Variants in AFF1 observed in about 807,000 individuals in gnomAD.
The protein encoded by AFF1 is AF4/FMR2 family member 1.
In AFF1, 48 loss-of-function variants were observed where a neutral mutation model predicts 121.7. The observed-to-expected ratio is 0.39, with a 90% CI of 0.31 to 0.50. The LOEUF is 0.50. Among genes scored for constraint, AFF1 ranks in the 20% least tolerant of loss-of-function variants. AFF1 has a pLI of 0.76. For missense variants in AFF1, 1,523 were observed against 1,511.7 expected, an observed-to-expected ratio of 1.01 and a Z score of -0.12; for synonymous variants, 613 against 563.0, an observed-to-expected ratio of 1.09 and a Z score of -1.26.
intron 2 of AFF1, among the ~76,000 whole-genome samples, chr4:86,997,192 A>G (rs910116985): frequency 4.0e-5 from 6 of 151,890 alleles, no homozygotes; most frequent in African/African-American, 1.4e-4. Flanking sequence ...GATTACAGGC[A>G]TGAGCCACCA....
chr4:87,127,165 T>C (rs111911945), intron 15 of AFF1, 48 bp downstream of exon 15: 6 of 1,109,446 alleles, frequency 5.4e-6, no homozygotes, highest in Non-Finnish European at 6.2e-6. Context: ...TTTGTTTTGC[T>C]TCCCCCCCCC....
At chr4:86,956,732 T>C (rs1384302537) in intron 2 of AFF1, among the ~76,000 whole-genome samples, 1 of 152,254 alleles carries the variant, frequency 6.6e-6, no homozygotes. Flanking sequence ...TTCATCCATA[T>C]TACAGCATGT....
intron 2 of AFF1, among the ~76,000 whole-genome samples, chr4:87,026,059 T>G (rs1728499977): frequency 1.5e-5 from 2 of 129,868 alleles, no homozygotes; most frequent in African/African-American, 5.5e-5. Flanking sequence ...CCAGAGACCA[T>G]GCTTTTTTTT....
At chr4:86,954,104 C>T (rs1169972232) in intron 2 of AFF1, among the ~76,000 whole-genome samples, 1 of 152,180 alleles carries the variant, frequency 6.6e-6, no homozygotes, top group South Asian at 2.1e-4. Flanking sequence ...TACTACCTCC[C>T]TTAAAAGTCA....
At chr4:87,002,323 T>C (rs1434568816) in intron 2 of AFF1, among the ~76,000 whole-genome samples, 1 of 151,656 alleles carries the variant, frequency 6.6e-6, no homozygotes, top group East Asian at 1.9e-4. Flanking sequence ...CTTCAACTCC[T>C]GGCCTCAAGT....
Position 86,949,715 on chromosome 4 carries a change from A to C in AFF1, c.38+1144A>C, listed in dbSNP as rs1721159089. On this transcript the variant is annotated intron_variant, in intron 2 of 20. Transcript: ENST00000395146. ...CATGCGCAGGGGCGGGTAGTCCCGG[A>C]ACTCCTTCAGGTAGCTGCGGTGCTT... 1.9e-6 allele frequency: 3 copies of C among 1,589,088 alleles called. No homozygotes were observed. In the Admixed American group the frequency reaches 5.4e-5, roughly 28 times the overall value.
chr4:86,980,759 C>T (rs545848244), intron 2 of AFF1, among the ~76,000 whole-genome samples: 10 of 152,174 alleles, frequency 6.6e-5, no homozygotes, highest in African/African-American at 2.4e-4. Context: ...GAGGAGAGAA[C>T]GATAGAAGCT....
chr4:87,118,978 G>A (rs966003140), intron 12 of AFF1, among the ~76,000 whole-genome samples: 3 of 152,058 alleles, frequency 2.0e-5, no homozygotes, highest in Non-Finnish European at 4.4e-5. Flanking sequence ...CACTCTAGTG[G>A]TCCACGACTA....
At chr4:87,076,894 G>A (rs1455680245) in intron 4 of AFF1, among the ~76,000 whole-genome samples, 2 of 152,198 alleles carry the variant, frequency 1.3e-5, no homozygotes, top group Admixed American at 1.3e-4. Context: ...AGCTATTTAT[G>A]TAATTTACTC....
chr4:87,018,691 G>A (rs1003013943), intron 2 of AFF1, among the ~76,000 whole-genome samples: 2 of 152,176 alleles, frequency 1.3e-5, no homozygotes, highest in Non-Finnish European at 2.9e-5. Flanking sequence ...TGTTTTAGTG[G>A]TTTGTAGTTC....
chr4:87,127,797 A>G (rs1728440781), intron 16 of AFF1, 94 bp downstream of exon 16: 1 of 1,289,108 alleles, frequency 7.8e-7, no homozygotes, highest in Non-Finnish European at 1.1e-6. Context: ...CATATCACTC[A>G]GCGTATGTGC....
chr4:87,013,385 G>A (rs1171596152), intron 2 of AFF1, among the ~76,000 whole-genome samples: 1 of 151,950 alleles, frequency 6.6e-6, no homozygotes, highest in Non-Finnish European at 1.5e-5. Flanking sequence ...GCAGTAATTT[G>A]GTGACAGATT....
Position 87,138,915 on chromosome 4 carries a change from C to T in AFF1, c.*3214C>T, listed in dbSNP as rs887451256. ...GCACTTATCTCCCTTGTCCTGTATC[C>T]TTTAATTTCAGGTCTCAGGATGTTT... On this transcript the variant is annotated 3_prime_UTR_variant, in exon 21 of 21. Transcript: ENST00000395146. The T allele has an allele frequency of 3.5e-5, 8 of 227,688 alleles. No individual in the cohort carries two copies. Among genetic ancestry groups the T allele is most frequent in the African/African-American group, 1.8e-4 (8 of 45,044 alleles). The allele number at this position is 227,688 out of a possible 1,614,324, so 14.1% of individuals were successfully genotyped here. A position where few individuals can be genotyped will look rare whatever the true frequency, so the allele number is the denominator to read the frequency against.
intron 2 of AFF1, among the ~76,000 whole-genome samples, chr4:86,991,660 CTT>C (rs762796521): frequency 3.3e-5 from 5 of 151,252 alleles, no homozygotes; most frequent in Non-Finnish European, 7.4e-5. Flanking sequence ...AGCTCTGAGA[CTT>C]TTTACTACGT....
chr4:87,082,378 G>T (rs539433943), intron 4 of AFF1, among the ~76,000 whole-genome samples: 1 of 152,092 alleles, frequency 6.6e-6, no homozygotes, highest in Non-Finnish European at 1.5e-5. Flanking sequence ...AAAACAAAAA[G>T]GCCTGGTTGT....
chr4:86,980,100 G>A (rs1403967090), intron 2 of AFF1, among the ~76,000 whole-genome samples: 1 of 152,078 alleles, frequency 6.6e-6, no homozygotes, highest in Non-Finnish European at 1.5e-5. Context: ...TAGTAGAGAT[G>A]GGGTTTTACC....
intron 2 of AFF1, among the ~76,000 whole-genome samples, chr4:87,041,905 C>T (rs914267701): frequency 6.6e-5 from 10 of 151,690 alleles, no homozygotes; most frequent in African/African-American, 1.5e-4. Context: ...ATGCTATCTA[C>T]TCGGGAGGCT....
intron 2 of AFF1, among the ~76,000 whole-genome samples, chr4:86,970,963 C>T (rs551467506): frequency 2.0e-5 from 3 of 152,084 alleles, no homozygotes; most frequent in Non-Finnish European, 4.4e-5. Context: ...AGGGCCTTGT[C>T]GGCCGTTGGA....
At chr4:87,001,221 T>TTTTTC (rs1725692819) in intron 2 of AFF1, among the ~76,000 whole-genome samples, 1 of 128,082 alleles carries the variant, frequency 7.8e-6, no homozygotes, top group Non-Finnish European at 1.7e-5. Context: ...TTTTTTTTTT[T>TTTTTC]TTTTTTTTTT....
Sources: allele counts gnomAD v4.1 joint callset (sites outside exome capture counted in the v4.1 genomes callset), GRCh38; gene constraint gnomAD v4.1.1; transcripts MANE v1.5; gene names NCBI Gene and HGNC (gene_info 2026-07-23, HGNC 2026-07-21).